RYR3: variants seen among roughly 807,000 people sequenced by gnomAD.
RYR3 encodes the protein brain ryanodine receptor-calcium release channel.
In RYR3, 207 loss-of-function variants were observed where a neutral mutation model predicts 584.3. The observed-to-expected ratio is 0.35, with a 90% CI of 0.32 to 0.40. The LOEUF (loss-of-function observed/expected upper bound fraction) is 0.40. Among genes scored for constraint, RYR3 ranks in the 10% least tolerant of loss-of-function variants. The pLI is 1.00. For missense variants in RYR3, 5,616 were observed against 6,089.2 expected (o/e 0.92, Z 2.59); for synonymous variants, 2,416 against 2,248.5 (o/e 1.07, Z -2.11).
intron 19 of RYR3, among the ~76,000 whole-genome samples, chr15:33,620,846 G>A (rs549469743): frequency 1.3e-5 from 2 of 152,304 alleles, no homozygotes; most frequent in East Asian, 1.9e-4. Context: ...GCCTGCTGAG[G>A]GCACAGGGAA....
At chr15:33,822,942 G>T (rs2077186367) in intron 80 of RYR3, 54 bp from the exon 81 acceptor site, 1 of 1,470,308 alleles carries the variant, frequency 6.8e-7, no homozygotes, top group East Asian at 2.3e-5. Flanking sequence ...AGGAGGGTCA[G>T]CTCTGTGGTA....
intron 1 of RYR3, among the ~76,000 whole-genome samples, chr15:33,449,581 C>T (rs150257331): frequency 1.5e-3 from 227 of 152,252 alleles, no homozygotes; most frequent in African/African-American, 5.2e-3. Flanking sequence ...TATAGAAATA[C>T]ATTTGTTTTA....
chr15:33,841,355 T>C (rs2078352273), intron 90 of RYR3, among the ~76,000 whole-genome samples: 1 of 152,254 alleles, frequency 6.6e-6, no homozygotes, highest in Admixed American at 6.5e-5. Flanking sequence ...CCTTTTACCC[T>C]AGCTATATAA....
intron 1 of RYR3, among the ~76,000 whole-genome samples, chr15:33,425,108 A>T (rs2044513138): frequency 6.6e-6 from 1 of 152,176 alleles, no homozygotes; most frequent in African/African-American, 2.4e-5. Context: ...AAAGTGCACC[A>T]TGGATGAATC....
At chr15:33,598,089 A>G (rs2059462870) in intron 16 of RYR3, among the ~76,000 whole-genome samples, 1 of 152,004 alleles carries the variant, frequency 6.6e-6, no homozygotes, top group African/African-American at 2.4e-5. Context: ...AGAGGGAGAC[A>G]CTGTTATTTT....
At chr15:33,318,325 T>C (rs1430237183) in intron 1 of RYR3, among the ~76,000 whole-genome samples, 1 of 152,224 alleles carries the variant, frequency 6.6e-6, no homozygotes, top group Non-Finnish European at 1.5e-5. Context: ...ACTGTGACCC[T>C]TGCAGATACC....
intron 19 of RYR3, among the ~76,000 whole-genome samples, chr15:33,623,159 A>G (rs1318729961): frequency 1.3e-5 from 2 of 152,154 alleles, no homozygotes; most frequent in Non-Finnish European, 2.9e-5. Context: ...CCAGTGAGCA[A>G]ACTCTTGATG....
intron 100 of RYR3, 151 bp from the exon 101 acceptor site, chr15:33,860,444 G>A: frequency 1.9e-6 from 1 of 536,708 alleles, no homozygotes; most frequent in African/African-American, 1.9e-5. Context: ...TAGCCAGGAT[G>A]TAACACAAAG....
rs1316104574 is a variant in RYR3 at position 33,852,106 on chromosome 15, C to G, written c.13629-939C>G. ...GTAGGAGGTCTCCATTTCCTTATCACCAACTTGGGTGGTCTCTGGAGAATA... is the reference window on the plus strand; with the variant it reads ...GTAGGAGGTCTCCATTTCCTTATCAGCAACTTGGGTGGTCTCTGGAGAATA... On this transcript the variant is annotated intron_variant, in intron 94 of 103. Coordinates refer to ENST00000634891, the MANE Select transcript of RYR3 (RefSeq NM_001036.6). 2.0e-5 allele frequency: 3 copies of G among 148,648 alleles called. No individual in the cohort carries two copies. In the South Asian group the frequency reaches 6.4e-4, roughly 32 times the overall value. The allele number at this position is 148,648 out of a possible 1,614,324, so 9.2% of individuals were successfully genotyped here. A position where few individuals can be genotyped will look rare whatever the true frequency, so the allele number is the denominator to read the frequency against.
At chr15:33,779,965 C>T (rs1317256953) in intron 64 of RYR3, among the ~76,000 whole-genome samples, 1 of 152,048 alleles carries the variant, frequency 6.6e-6, no homozygotes, top group Non-Finnish European at 1.5e-5. Context: ...GAGCTGATAT[C>T]GCGCCACTGC....
At chr15:33,771,606 A>G (rs902489559) in intron 62 of RYR3, among the ~76,000 whole-genome samples, 1 of 152,192 alleles carries the variant, frequency 6.6e-6, no homozygotes, top group Non-Finnish European at 1.5e-5. Flanking sequence ...AGATCTTTAC[A>G]GAAGACTTTA....
intron 1 of RYR3, among the ~76,000 whole-genome samples, chr15:33,420,327 T>C (rs538526908): frequency 6.6e-6 from 1 of 152,278 alleles, no homozygotes; most frequent in African/African-American, 2.4e-5. Context: ...GGTTTGAGTG[T>C]TTAGCAGGTG....
chr15:33,613,472 G>A, intron 19 of RYR3, 97 bp downstream of exon 19: 1 of 1,252,994 alleles, frequency 8.0e-7, no homozygotes, highest in Non-Finnish European at 1.1e-6. Flanking sequence ...CAGGGCTTCA[G>A]TACTGTGAAC....
intron 47 of RYR3, 80 bp from the exon 48 acceptor site, chr15:33,731,394 C>T (rs2068937863): frequency 4.1e-6 from 4 of 975,022 alleles, no homozygotes; most frequent in Non-Finnish European, 6.4e-6. Context: ...CCACAGCTTG[C>T]TACATGGGAA....
chr15:33,860,620 G>C lies in RYR3; in HGVS notation c.14325G>C (p.Glu4775Asp). The C allele has an allele frequency of 1.3e-6, 2 of 1,593,470 alleles. No homozygotes were observed. Among genetic ancestry groups the C allele is most frequent in the Non-Finnish European group, 1.7e-6 (2 of 1,168,778 alleles). The change falls in exon 101 of 104, where the codon GAG becomes GAC. Residue 4775 changes from glutamate (E) to aspartate (D), a missense_variant. Glu to Asp is a conservative substitution (Grantham distance 45, BLOSUM62 2). Transcript: ENST00000634891. ...GTCTTATTATTGATGCTTTCGGAGAGCTAAGAGACCAGCAGGAACAAGTAC... is the reference window on the plus strand; with the variant it reads ...GTCTTATTATTGATGCTTTCGGAGACCTAAGAGACCAGCAGGAACAAGTAC... ...IQGLIIDAFG[E>D]LRDQQEQVRE...
At chr15:33,528,797 C>G (rs1299445366) in intron 3 of RYR3, among the ~76,000 whole-genome samples, 1 of 152,186 alleles carries the variant, frequency 6.6e-6, no homozygotes, top group African/African-American at 2.4e-5. Flanking sequence ...CTTGCTTGTT[C>G]CCTGAAAGCA....
intron 1 of RYR3, among the ~76,000 whole-genome samples, chr15:33,316,065 T>C (rs531490143): frequency 3.9e-5 from 6 of 152,148 alleles, no homozygotes; most frequent in Non-Finnish European, 7.3e-5. Flanking sequence ...AAAATTTTAA[T>C]TTCTAATATT....
intron 67 of RYR3, among the ~76,000 whole-genome samples, chr15:33,793,175 G>A (rs1199693199): frequency 1.3e-5 from 2 of 152,146 alleles, no homozygotes; most frequent in Non-Finnish European, 2.9e-5. Context: ...CATTCAAATG[G>A]AAAAGACGCA....
At chr15:33,496,636 C>T (rs1474849658) in intron 2 of RYR3, among the ~76,000 whole-genome samples, 3 of 152,198 alleles carry the variant, frequency 2.0e-5, no homozygotes, top group African/African-American at 7.2e-5. Flanking sequence ...AGAATGCACA[C>T]ACACAATACA....
Sources: gnomAD v4.1 joint callset for allele counts (sites outside exome capture counted in the v4.1 genomes callset) on GRCh38, gnomAD v4.1.1 for gene constraint, MANE v1.5 for transcripts, NCBI Gene and HGNC (gene_info 2026-07-23, HGNC 2026-07-21) for gene names.